Variants in TM9SF4 observed in about 807,000 individuals in gnomAD.
TM9SF4 encodes the protein dinucleotide oxidase disulfide thiol exchanger 3 superfamily member 4.
A neutral mutation model predicts 90.4 loss-of-function variants in TM9SF4; 26 were observed. That is an observed-to-expected ratio of 0.29 (90% CI 0.21 to 0.40). The LOEUF (loss-of-function observed/expected upper bound fraction) is 0.40. Among genes scored for constraint, TM9SF4 ranks in the 10% least tolerant of loss-of-function variants. The pLI is 1.00. For missense variants in TM9SF4, 549 were observed against 834.8 expected, an observed-to-expected ratio of 0.66 and a Z score of 4.22; for synonymous variants, 293 against 315.4, an observed-to-expected ratio of 0.93 and a Z score of 0.75.
intron 1 of TM9SF4, chr20:32,116,031 A>G (rs1022906239): frequency 6.6e-6 from 1 of 152,036 alleles, no homozygotes; most frequent in African/African-American, 2.4e-5. Context: ...CATGTTGGCC[A>G]GGCTGGTCTC....
Position 32,161,282 on chromosome 20 carries a change from C to T in TM9SF4, c.1696C>T (p.Arg566Cys), listed in dbSNP as rs1178924506. The change falls in exon 17 of 18, where the codon CGC becomes TGC. Residue 566 changes from arginine to cysteine, a missense_variant. Physicochemically the swap from Arg to Cys is radical, Grantham distance 180. Transcript: ENST00000398022. The stretch of plus-strand genomic sequence containing the variant: ...TCCTCTGTTTCCTCCTCAGGATTAC[C>T]GCTGGTGGTGGAGAAATTTCCTAGT... ...VYFQLCAEDY[R>C]WWWRNFLVSG... 24 of 1,613,554 alleles carry T rather than the reference C, an allele frequency of 1.5e-5. No homozygotes were observed. The Admixed American group carries it at 2.8e-4, about 19-fold the overall frequency.
chr20:32,117,285 A>C (rs962317726), intron 1 of TM9SF4, among the ~76,000 whole-genome samples: 1 of 151,272 alleles, frequency 6.6e-6, no homozygotes, highest in African/African-American at 2.4e-5. Flanking sequence ...AATCTAGTCT[A>C]TTGCTAAGGA....
intron 17 of TM9SF4, among the ~76,000 whole-genome samples, chr20:32,164,215 C>T (rs1460548298): frequency 6.6e-6 from 1 of 151,628 alleles, no homozygotes; most frequent in Non-Finnish European, 1.5e-5. Context: ...CCACCAGCCA[C>T]AAGAATGCAT....
intron 17 of TM9SF4, among the ~76,000 whole-genome samples, chr20:32,162,983 T>G (rs1019178743): frequency 8.6e-5 from 13 of 152,028 alleles, no homozygotes; most frequent in African/African-American, 3.1e-4. Context: ...CTCAAAAATA[T>G]CAGGGCTCAA....
At chr20:32,132,256 T>C (rs2046528595) in intron 1 of TM9SF4, among the ~76,000 whole-genome samples, 1 of 152,020 alleles carries the variant, frequency 6.6e-6, no homozygotes, top group African/African-American at 2.4e-5. Context: ...ATAGAAAAAT[T>C]AGCCAGGTGA....
At chr20:32,145,471 G>T in intron 8 of TM9SF4, 48 bp downstream of exon 8, 2 of 1,542,872 alleles carry the variant, frequency 1.3e-6, no homozygotes, top group South Asian at 2.2e-5. Flanking sequence ...TTGGGGTTGA[G>T]GGACTGAGAC....
chr20:32,110,774 G>A (rs1027831808), intron 1 of TM9SF4, among the ~76,000 whole-genome samples: 2 of 152,192 alleles, frequency 1.3e-5, no homozygotes, highest in African/African-American at 4.8e-5. Context: ...CAGAGCTTGC[G>A]GGCTCCTGGT....
At position 32,141,763 on chromosome 20, in the gene TM9SF4, C is replaced by T. The variant is rs1371175758; in HGVS notation, c.399-3C>T. On this transcript the variant is annotated splice_region_variant and splice_polypyrimidine_tract_variant and intron_variant, in intron 4 of 17. Coordinates refer to ENST00000398022, the MANE Select transcript of TM9SF4 (RefSeq NM_014742.4). ...GGGACTGAGTGGGGCCTTCACTTTC[C>T]AGCATTGCTGACAACCTGCCTGTGG... 6.2e-7 allele frequency: 1 copy of T among 1,613,978 alleles called. No homozygotes were observed. The highest frequency in any genetic ancestry group is 1.3e-5 in the African/African-American group (1 of 74,926).
In TM9SF4 at chr20:32,161,310, C is replaced by T; in HGVS notation, c.1724C>T (p.Ser575Phe). Reference sequence around the variant, plus strand: ...TGGTGGTGGAGAAATTTCCTAGTCTCCGGGGGCTCTGCATTCTACGTCCTG... The same window carrying T: ...TGGTGGTGGAGAAATTTCCTAGTCTTCGGGGGCTCTGCATTCTACGTCCTG... The part of the protein sequence containing the change: ...YRWWWRNFLV[S>F]GGSAFYVLVY... Residue 575 changes from serine to phenylalanine, a missense_variant, in exon 17 of 18, where the codon TCC becomes TTC. By Grantham distance (155) the Ser-to-Phe change is radical (BLOSUM62 -2). Transcript: ENST00000398022. 6.2e-7 allele frequency: 1 copy of T among 1,613,992 alleles called. No individual in the cohort carries two copies. Among genetic ancestry groups the T allele is most frequent in the Non-Finnish European group, 8.5e-7 (1 of 1,179,998 alleles).
chr20:32,114,902 T>A (rs992805754), intron 1 of TM9SF4, among the ~76,000 whole-genome samples: 1 of 152,244 alleles, frequency 6.6e-6, no homozygotes, highest in Non-Finnish European at 1.5e-5. Context: ...TTTCCACATA[T>A]GTCATGTGTG....
chr20:32,129,630 C>A (rs2046481606), intron 1 of TM9SF4, among the ~76,000 whole-genome samples: 1 of 148,852 alleles, frequency 6.7e-6, no homozygotes. Flanking sequence ...ATAGAGTCTC[C>A]CTTTGTCGCC....
At chr20:32,110,063 A>T in intron 1 of TM9SF4, 1 of 1,302,154 alleles carries the variant, frequency 7.7e-7, no homozygotes, top group Non-Finnish European at 9.8e-7. Flanking sequence ...TCCATTTCTC[A>T]CCTCCCTGTC....
chr20:32,145,687 T>C (rs1053952037), intron 8 of TM9SF4, among the ~76,000 whole-genome samples: 9 of 152,222 alleles, frequency 5.9e-5, no homozygotes, highest in African/African-American at 2.2e-4. Flanking sequence ...AAGATGTTGT[T>C]GTTGCTCATT....
At chr20:32,126,218 G>T (rs946011006) in intron 1 of TM9SF4, among the ~76,000 whole-genome samples, 2 of 152,024 alleles carry the variant, frequency 1.3e-5, no homozygotes, top group Non-Finnish European at 2.9e-5. Flanking sequence ...CTACTCATAG[G>T]ATGGTCCATG....
intron 2 of TM9SF4, 85 bp from the exon 3 acceptor site, chr20:32,135,989 T>C: frequency 3.5e-6 from 4 of 1,142,832 alleles, no homozygotes; most frequent in Non-Finnish European, 5.2e-6. Context: ...GTTTGCCTAT[T>C]AGTTAATATT....
chr20:32,109,820 C>T (rs918195284), intron 1 of TM9SF4, 65 bp downstream of exon 1: 5 of 1,550,524 alleles, frequency 3.2e-6, no homozygotes, highest in Non-Finnish European at 4.4e-6. Context: ...CCAGGATCTT[C>T]CAGCACCCCA....
At chr20:32,160,179 C>G (rs1050139054) in intron 16 of TM9SF4, 68 bp downstream of exon 16, 27 of 1,605,602 alleles carry the variant, frequency 1.7e-5, no homozygotes, top group Non-Finnish European at 4.3e-6. Flanking sequence ...GTTGATGAGG[C>G]TCTGCGGAGA....
chr20:32,123,238 A>AGGGAGG (rs2046362296), intron 1 of TM9SF4, among the ~76,000 whole-genome samples: 1 of 68,832 alleles, frequency 1.5e-5, no homozygotes, highest in Non-Finnish European at 2.7e-5. Flanking sequence ...GGAGAGGGAG[A>AGGGAGG]GGCTTTTTTT....
rs748708644 is a variant in TM9SF4, at chr20:32,141,672, C to T, written c.398+7C>T. The T allele has an allele frequency of 5.0e-6, 8 of 1,613,762 alleles. No homozygotes were observed. The Admixed American group carries it at 5.0e-5, about 10-fold the overall frequency. ...AAGACTACTACGTCCACCTGTAAGT[C>T]GCCCTGTGCTCCTTGCTGCCTCAGG... On this transcript the variant is annotated splice_region_variant and intron_variant, in intron 4 of 17. Coordinates refer to ENST00000398022, the MANE Select transcript of TM9SF4 (RefSeq NM_014742.4).
Sources: allele counts gnomAD v4.1 joint callset (sites outside exome capture counted in the v4.1 genomes callset), GRCh38; gene constraint gnomAD v4.1.1; transcripts MANE v1.5; gene names NCBI Gene and HGNC (gene_info 2026-07-23, HGNC 2026-07-21).